The following PBLD variants were observed in gnomAD, a reference collection of about 807,000 sequenced individuals.
The protein encoded by PBLD is phenazine biosynthesis like protein domain containing.
A neutral mutation model predicts 31.3 loss-of-function variants in PBLD; 26 were observed. That is an observed-to-expected ratio of 0.83 (90% confidence interval 0.61 to 1.15). PBLD has a LOEUF of 1.15. Among genes scored for constraint, PBLD ranks in the 50% most tolerant of loss-of-function variants. PBLD has a pLI of 0.00. For synonymous variants in PBLD, 114 were observed against 129.0 expected, an observed-to-expected ratio of 0.88 and a Z score of 0.79; for missense variants, 307 against 351.7, an observed-to-expected ratio of 0.87 and a Z score of 1.02.
rs2044325510 is a variant in PBLD, at chr10:68,289,166, C to A, written c.424-147G>T. 5 of 628,986 alleles carry A rather than the reference C, an allele frequency of 7.9e-6. No individual in the cohort carries two copies. The South Asian group carries it at 9.5e-5, about 12-fold the overall frequency. 39.0% of individuals were successfully genotyped at this position (628,986 alleles called of 1,614,324 possible). A position where few individuals can be genotyped will look rare whatever the true frequency, so the allele number is the denominator to read the frequency against. ...GTCCCCAAGAGTGTTAGTGCAGTTTCAGAGCTTAAGGTGTTGCCCAAGGAT... is the reference window on the plus strand; with the variant it reads ...GTCCCCAAGAGTGTTAGTGCAGTTTAAGAGCTTAAGGTGTTGCCCAAGGAT... On this transcript the variant is annotated intron_variant, in intron 6 of 9. Coordinates refer to ENST00000358769, the MANE Select transcript of PBLD (RefSeq NM_022129.4).
intron 2 of PBLD, among the ~76,000 whole-genome samples, chr10:68,304,982 T>C (rs1485453197): frequency 6.6e-6 from 1 of 152,236 alleles, no homozygotes. Context: ...GCGTAATGAA[T>C]GTAGAGTTAA....
chr10:68,304,188 C>G (rs1459444466), intron 2 of PBLD, among the ~76,000 whole-genome samples: 1 of 152,148 alleles, frequency 6.6e-6, no homozygotes, highest in Non-Finnish European at 1.5e-5. Context: ...ACCATTTATA[C>G]GTCTATTATA....
chr10:68,288,373 C>A (rs1408895520), intron 8 of PBLD, 110 bp downstream of exon 8: 2 of 1,158,738 alleles, frequency 1.7e-6, no homozygotes, highest in Non-Finnish European at 1.2e-6. Context: ...AGGAACAAGG[C>A]AGCTCAAAAC....
At chr10:68,312,357 T>TC (rs200270438) in intron 1 of PBLD, among the ~76,000 whole-genome samples, 2 of 152,092 alleles carry the variant, frequency 1.3e-5, no homozygotes, top group Non-Finnish European at 1.5e-5. Flanking sequence ...TTATCTTGTG[T>TC]TTTTTTTTAT....
chr10:68,330,859 T>C (rs1291762057), intron 1 of PBLD, among the ~76,000 whole-genome samples: 5 of 151,632 alleles, frequency 3.3e-5, no homozygotes, highest in African/African-American at 1.2e-4. Flanking sequence ...ATTCGGGGTT[T>C]TTCTTTGTGT....
intron 2 of PBLD, among the ~76,000 whole-genome samples, chr10:68,298,629 GAGCTCCT>G (rs2044463048): frequency 6.6e-6 from 1 of 152,064 alleles, no homozygotes. Flanking sequence ...TATCCTGTGT[GAGCTCCT>G]AGCAGCAGTG....
chr10:68,327,673 CAA>C (rs35759039), intron 1 of PBLD, among the ~76,000 whole-genome samples: 3 of 68,812 alleles, frequency 4.4e-5, no homozygotes, highest in Admixed American at 1.8e-4. Flanking sequence ...GACTCCACCT[CAA>C]AAAAAAAAAA....
Position 68,289,039 on chromosome 10 carries a change from A to G in PBLD, c.424-20T>C. On this transcript the variant is annotated intron_variant, in intron 6 of 9. Transcript: ENST00000358769. The stretch of plus-strand genomic sequence containing the variant: ...GGCAGTCTGTGGAGACAGACCAAAA[A>G]CTCCTCAGGGACATGCCCTGGGCCA... The G allele has an allele frequency of 6.3e-7, 1 of 1,596,918 alleles. No homozygotes were observed. Among genetic ancestry groups the G allele is most frequent in the Non-Finnish European group, 8.6e-7 (1 of 1,165,498 alleles).
chr10:68,312,477 A>G (rs561548339), intron 1 of PBLD, among the ~76,000 whole-genome samples: 1 of 151,892 alleles, frequency 6.6e-6, no homozygotes, highest in Non-Finnish European at 1.5e-5. Flanking sequence ...CCATTTGTAT[A>G]TCTTCTTTAG....
chr10:68,297,143 A>G, intron 2 of PBLD, 158 bp from the exon 3 acceptor site: 1 of 636,162 alleles, frequency 1.6e-6, no homozygotes, highest in South Asian at 1.9e-5. Flanking sequence ...TTTTATAAAG[A>G]TTGGTTCTCA....
chr10:68,296,503 A>G (rs1410867843), intron 3 of PBLD, 139 bp from the exon 4 acceptor site: 5 of 649,582 alleles, frequency 7.7e-6, no homozygotes, highest in Non-Finnish European at 1.4e-5. Flanking sequence ...AATGATGGCT[A>G]GGCAAGCATC....
intron 1 of PBLD, among the ~76,000 whole-genome samples, chr10:68,320,674 A>C (rs565986191): frequency 6.6e-6 from 1 of 151,270 alleles, no homozygotes; most frequent in African/African-American, 2.4e-5. Flanking sequence ...CTTTCTTTTA[A>C]TTTTTTTATT....
chr10:68,323,728 G>A (rs543974851), intron 1 of PBLD, among the ~76,000 whole-genome samples: 1 of 152,234 alleles, frequency 6.6e-6, no homozygotes, highest in East Asian at 1.9e-4. Flanking sequence ...TTCCTTTTAT[G>A]TAGAATATTC....
intron 1 of PBLD, among the ~76,000 whole-genome samples, chr10:68,312,755 G>A (rs1365166509): frequency 2.5e-4 from 13 of 51,914 alleles, no homozygotes; most frequent in South Asian, 9.7e-4. Context: ...TACTACAGGC[G>A]CCCGCCACCA....
At chr10:68,331,881 A>G (rs1589686355) in intron 1 of PBLD, 3 of 152,310 alleles carry the variant, frequency 2.0e-5, no homozygotes, top group Non-Finnish European at 4.4e-5. Context: ...TTTAACTGGA[A>G]CAGCCTCTGC....
chr10:68,332,546 C>T (rs2045218861), intron 1 of PBLD, among the ~76,000 whole-genome samples: 1 of 152,250 alleles, frequency 6.6e-6, no homozygotes, highest in Admixed American at 6.5e-5. Flanking sequence ...CCGCCCTTCC[C>T]CGCTCTTTTT....
At chr10:68,292,475 T>A (rs987206133) in intron 4 of PBLD, among the ~76,000 whole-genome samples, 7 of 151,872 alleles carry the variant, frequency 4.6e-5, no homozygotes, top group African/African-American at 1.7e-4. Flanking sequence ...AGATCCCAGC[T>A]CTTTACTGCT....
chr10:68,289,094 C>G, intron 6 of PBLD, 75 bp from the exon 7 acceptor site: 1 of 1,132,690 alleles, frequency 8.8e-7, no homozygotes. Flanking sequence ...TGGGAAATGA[C>G]CTCTCATTGA....
At chr10:68,292,467 A>G (rs1428238758) in intron 4 of PBLD, among the ~76,000 whole-genome samples, 1 of 151,456 alleles carries the variant, frequency 6.6e-6, no homozygotes, top group Non-Finnish European at 1.5e-5. Context: ...AAGGCTTCAG[A>G]TCCCAGCTCT....
Sources: gnomAD v4.1 joint callset for allele counts (sites outside exome capture counted in the v4.1 genomes callset) on GRCh38, gnomAD v4.1.1 for gene constraint, MANE v1.5 for transcripts, NCBI Gene and HGNC (gene_info 2026-07-23, HGNC 2026-07-21) for gene names.